Variants in ST6GALNAC5 observed in about 807,000 individuals in gnomAD.
ST6GALNAC5 encodes ST6 N-acetylgalactosaminide alpha-2,6-sialyltransferase 5, also known as alpha-N-acetylgalactosaminide alpha-2,6-sialyltransferase 5.
In ST6GALNAC5, 27 loss-of-function variants were observed where a neutral mutation model predicts 33.6. That is an observed-to-expected ratio of 0.80 (90% confidence interval 0.59 to 1.11). The LOEUF (loss-of-function observed/expected upper bound fraction) is 1.11. Among genes scored for constraint, ST6GALNAC5 ranks in the 50% least tolerant of loss-of-function variants. The pLI, the probability that ST6GALNAC5 is intolerant of heterozygous loss-of-function variation, is 0.00. For synonymous variants in ST6GALNAC5, 194 were observed against 171.2 expected (o/e 1.13, Z -1.04); for missense variants, 428 against 454.0 (o/e 0.94, Z 0.52).
chr1:76,915,991 A>G (rs1646969877), intron 2 of ST6GALNAC5, among the ~76,000 whole-genome samples: 1 of 151,844 alleles, frequency 6.6e-6, no homozygotes, highest in Admixed American at 6.6e-5. Flanking sequence ...TAAAGGTAAC[A>G]GTGATCTGGC....
At chr1:77,000,762 T>G (rs1318038496) in intron 2 of ST6GALNAC5, among the ~76,000 whole-genome samples, 1 of 151,554 alleles carries the variant, frequency 6.6e-6, no homozygotes, top group Non-Finnish European at 1.5e-5. Context: ...CTTTCCCCAT[T>G]GCTTGTTTTT....
At chr1:77,036,529 G>T (rs1651652542) in intron 2 of ST6GALNAC5, among the ~76,000 whole-genome samples, 1 of 152,218 alleles carries the variant, frequency 6.6e-6, no homozygotes, top group Non-Finnish European at 1.5e-5. Context: ...AGTGCTGAAG[G>T]TGGTTATGAC....
At chr1:76,875,011 T>C (rs1245234809) in intron 2 of ST6GALNAC5, among the ~76,000 whole-genome samples, 1 of 152,220 alleles carries the variant, frequency 6.6e-6, no homozygotes, top group Non-Finnish European at 1.5e-5. Flanking sequence ...AATGCTGATA[T>C]GCAGTCAATA....
At chr1:76,882,337 G>C (rs540381010) in intron 2 of ST6GALNAC5, among the ~76,000 whole-genome samples, 32 of 152,248 alleles carry the variant, frequency 2.1e-4, no homozygotes, top group African/African-American at 7.7e-4. Context: ...TCATTTAGCT[G>C]AATTACCTTC....
chr1:76,997,464 A>G (rs1250715671), intron 2 of ST6GALNAC5, among the ~76,000 whole-genome samples: 1 of 152,196 alleles, frequency 6.6e-6, no homozygotes, highest in African/African-American at 2.4e-5. Flanking sequence ...AAAGTTTCCA[A>G]CAAAGCAGTG....
At chr1:76,974,975 C>T (rs1234094793) in intron 2 of ST6GALNAC5, among the ~76,000 whole-genome samples, 4 of 151,436 alleles carry the variant, frequency 2.6e-5, no homozygotes, top group South Asian at 2.1e-4. Flanking sequence ...TTAGTAGAAA[C>T]GGGGTTTCAC....
chr1:76,984,106 A>AGT (rs1649378046), intron 2 of ST6GALNAC5, among the ~76,000 whole-genome samples: 2 of 152,246 alleles, frequency 1.3e-5, no homozygotes, highest in African/African-American at 4.8e-5. Context: ...GAAGAACTAC[A>AGT]GAAGCAAGAG....
chr1:77,064,660 T>A lies in ST6GALNAC5; in HGVS notation c.*1454T>A, dbSNP rs1178431544. On this transcript the variant is annotated 3_prime_UTR_variant, in exon 5 of 5. Coordinates refer to ENST00000477717, the MANE Select transcript of ST6GALNAC5 (RefSeq NM_030965.3). ...AGCCAAGATAAATTCATATTATAGA[T>A]TTTTATTTAAACAAGTAATATTGTT... 5 of 152,174 alleles carry A rather than the reference T, an allele frequency of 3.3e-5. No homozygotes were observed. Among genetic ancestry groups the A allele is most frequent in the Non-Finnish European group, 5.9e-5 (4 of 68,026 alleles). 9.4% of individuals were successfully genotyped at this position (152,174 alleles called of 1,614,324 possible). A position where few individuals can be genotyped will look rare whatever the true frequency, so the allele number is the denominator to read the frequency against.
chr1:76,962,447 T>C (rs542726969), intron 2 of ST6GALNAC5, among the ~76,000 whole-genome samples: 29 of 152,344 alleles, frequency 1.9e-4, no homozygotes, highest in African/African-American at 7.0e-4. Context: ...AATGACTGTA[T>C]GTGATAATGT....
At chr1:77,039,043 A>T (rs926356342) in intron 2 of ST6GALNAC5, among the ~76,000 whole-genome samples, 12 of 152,222 alleles carry the variant, frequency 7.9e-5, no homozygotes, top group Non-Finnish European at 1.3e-4. Flanking sequence ...GACAGCAAAA[A>T]TAAAATGGTA....
rs1652558239 is a variant in ST6GALNAC5, at chr1:77,061,017, A to C, written c.780-1958A>C. ...TCTTATTTTTTTCTTCATAGTGGTC[A>C]GCTTCAACCTGAATTTTTGTTAGAA... On this transcript the variant is annotated intron_variant, in intron 4 of 4. Coordinates refer to ENST00000477717, the MANE Select transcript of ST6GALNAC5 (RefSeq NM_030965.3). Among the ~76,000 whole-genome samples the C allele has an allele frequency of 2.0e-5, 3 of 152,216 alleles. No individual in the cohort carries two copies. The South Asian group carries it at 6.2e-4, about 31-fold the overall frequency.
intron 2 of ST6GALNAC5, among the ~76,000 whole-genome samples, chr1:77,040,861 G>A (rs545273294): frequency 1.3e-5 from 2 of 152,324 alleles, no homozygotes; most frequent in African/African-American, 4.8e-5. Flanking sequence ...AATGTGCTGA[G>A]TTACACAGAA....
At position 76,985,524 on chromosome 1, in the gene ST6GALNAC5, T is replaced by C. The variant is rs571314963; in HGVS notation, c.262-58680T>C. Among the ~76,000 whole-genome samples the C allele has an allele frequency of 2.0e-5, 3 of 152,212 alleles. No individual in the cohort carries two copies. In the South Asian group the frequency reaches 6.2e-4, roughly 32 times the overall value. The stretch of plus-strand genomic sequence containing the variant: ...CGAAAGAAAAGAGGACACAAACAAA[T>C]GGAAGAATATTCCATGCTCATGGAT... On this transcript the variant is annotated intron_variant, in intron 2 of 4. Transcript: ENST00000477717.
chr1:76,903,829 A>G (rs772269153), intron 2 of ST6GALNAC5, among the ~76,000 whole-genome samples: 12 of 152,226 alleles, frequency 7.9e-5, no homozygotes, highest in Non-Finnish European at 1.5e-4. Flanking sequence ...ACCACATACT[A>G]TATAATCCCA....
chr1:76,975,171 T>C (rs58603785), intron 2 of ST6GALNAC5, among the ~76,000 whole-genome samples: 3,730 of 152,268 alleles, frequency 0.024, 135 homozygotes, highest in African/African-American at 0.081. Flanking sequence ...CTTATGAGGA[T>C]ACTTCTAGTA....
At chr1:76,933,021 G>A (rs1055088419) in intron 2 of ST6GALNAC5, among the ~76,000 whole-genome samples, 4 of 151,986 alleles carry the variant, frequency 2.6e-5, no homozygotes, top group African/African-American at 7.2e-5. Flanking sequence ...ATCCCTCATC[G>A]TTCTCTGAGA....
intron 2 of ST6GALNAC5, among the ~76,000 whole-genome samples, chr1:77,024,207 T>C (rs1260021147): frequency 6.6e-6 from 1 of 152,214 alleles, no homozygotes; most frequent in Non-Finnish European, 1.5e-5. Context: ...TTTTCTTTCA[T>C]AGCATTGGCT....
intron 2 of ST6GALNAC5, among the ~76,000 whole-genome samples, chr1:76,911,707 C>T (rs1646914444): frequency 6.6e-6 from 1 of 152,148 alleles, no homozygotes; most frequent in South Asian, 2.1e-4. Flanking sequence ...TCCATTTCTT[C>T]TAGATTTTCT....
chr1:76,985,423 GAAT>G (rs1294150414), intron 2 of ST6GALNAC5, among the ~76,000 whole-genome samples: 1 of 152,056 alleles, frequency 6.6e-6, no homozygotes. Context: ...GCTACAAAGA[GAAT>G]AAAATACCTA....
Sources: gnomAD v4.1 joint callset for allele counts (sites outside exome capture counted in the v4.1 genomes callset) on GRCh38, gnomAD v4.1.1 for gene constraint, MANE v1.5 for transcripts, NCBI Gene and HGNC (gene_info 2026-07-23, HGNC 2026-07-21) for gene names.